SHB: variants seen among roughly 807,000 people sequenced by gnomAD.
The protein encoded by SHB is SH2 domain containing adaptor protein B, also known as SH2 domain-containing adapter protein B.
A neutral mutation model predicts 52.3 loss-of-function variants in SHB; 20 were observed. That is an observed-to-expected ratio of 0.38 (90% confidence interval 0.27 to 0.56). The LOEUF is 0.56. Among genes scored for constraint, SHB ranks in the 20% least tolerant of loss-of-function variants. The pLI is 0.71. For missense variants in SHB, 825 were observed against 723.3 expected (o/e 1.14, Z -1.61); for synonymous variants, 397 against 316.5 (o/e 1.25, Z -2.70).
At position 37,918,900 on chromosome 9, in the gene SHB, C is replaced by T. The variant is rs1832139003; in HGVS notation, c.*921G>A. ...TATGTCCACTGCTGAAGCCTGAACT[C>T]TGAGCTCTGGGTTGACTCCCAGAGT... On this transcript the variant is annotated 3_prime_UTR_variant, in exon 6 of 6. Transcript: ENST00000377707. Among the ~76,000 whole-genome samples, 1 of 152,178 alleles carries T rather than the reference C, an allele frequency of 6.6e-6. No individual in the cohort carries two copies. Among genetic ancestry groups the T allele is most frequent in the South Asian group, 2.1e-4 (1 of 4,830 alleles).
chr9:37,992,867 GCA>G (rs1278535986), intron 2 of SHB, among the ~76,000 whole-genome samples: 1 of 130,310 alleles, frequency 7.7e-6, no homozygotes, highest in African/African-American at 2.7e-5. Flanking sequence ...GTATATGCAT[GCA>G]CACACACACA....
At chr9:38,026,957 G>A (rs1375795092) in intron 1 of SHB, among the ~76,000 whole-genome samples, 2 of 152,202 alleles carry the variant, frequency 1.3e-5, no homozygotes, top group East Asian at 1.9e-4. Context: ...AGGTCCCCAG[G>A]GGAGATGGGC....
At chr9:37,958,229 C>T (rs1239771556) in intron 3 of SHB, among the ~76,000 whole-genome samples, 2 of 152,308 alleles carry the variant, frequency 1.3e-5, no homozygotes, top group East Asian at 3.9e-4. Flanking sequence ...GAGGCAGTGC[C>T]CGCCAGTGGT....
At chr9:38,056,715 A>G (rs967846438) in intron 1 of SHB, among the ~76,000 whole-genome samples, 4 of 152,262 alleles carry the variant, frequency 2.6e-5, no homozygotes, top group African/African-American at 9.6e-5. Context: ...GTAACCAACA[A>G]CAATTGCCAC....
chr9:37,965,511 T>C (rs1832739189), intron 3 of SHB, among the ~76,000 whole-genome samples: 2 of 151,882 alleles, frequency 1.3e-5, no homozygotes, highest in South Asian at 2.1e-4. Flanking sequence ...TGAGATTTAC[T>C]GGTATTCTAC....
intron 5 of SHB, among the ~76,000 whole-genome samples, chr9:37,946,040 C>A (rs1832487358): frequency 6.6e-6 from 1 of 152,164 alleles, no homozygotes; most frequent in Non-Finnish European, 1.5e-5. Context: ...GGGAATCACA[C>A]TAGATAACAC....
At chr9:38,050,945 A>T (rs1420863428) in intron 1 of SHB, among the ~76,000 whole-genome samples, 1 of 152,178 alleles carries the variant, frequency 6.6e-6, no homozygotes, top group Non-Finnish European at 1.5e-5. Flanking sequence ...CACTGACTAC[A>T]ATCTTTTACT....
intron 3 of SHB, among the ~76,000 whole-genome samples, chr9:37,963,568 G>A (rs139702150): frequency 1.3e-3 from 197 of 152,282 alleles, no homozygotes; most frequent in Non-Finnish European, 2.2e-3. Flanking sequence ...CACAGTCCCT[G>A]GCAGGGGTTC....
At chr9:37,980,576 G>C (rs2117983476) in intron 2 of SHB, among the ~76,000 whole-genome samples, 1 of 152,252 alleles carries the variant, frequency 6.6e-6, no homozygotes, top group East Asian at 1.9e-4. Flanking sequence ...CTGTTAATGT[G>C]GCTATTTTGA....
chr9:38,049,574 C>T (rs1327975936), intron 1 of SHB, among the ~76,000 whole-genome samples: 3 of 149,680 alleles, frequency 2.0e-5, no homozygotes, highest in Non-Finnish European at 4.4e-5. Flanking sequence ...CACCACTGCA[C>T]TCCAGCCTGG....
chr9:38,041,688 A>AC (rs141115571), intron 1 of SHB, among the ~76,000 whole-genome samples: 1,770 of 152,256 alleles, frequency 0.012, 32 homozygotes, highest in African/African-American at 0.04. Context: ...GTGGGAAGCC[A>AC]CTGGTGGTTC....
At chr9:37,955,853 T>C in intron 4 of SHB, 30 bp downstream of exon 4, 1 of 1,595,986 alleles carries the variant, frequency 6.3e-7, no homozygotes, top group Non-Finnish European at 8.6e-7. Flanking sequence ...AACTGGGAGG[T>C]GAGGTTGGGC....
At chr9:37,937,894 C>A (rs780685439) in intron 5 of SHB, among the ~76,000 whole-genome samples, 1 of 152,070 alleles carries the variant, frequency 6.6e-6, no homozygotes, top group Non-Finnish European at 1.5e-5. Flanking sequence ...CCTTCCTGTG[C>A]CTCAGTTGAC....
chr9:38,028,429 C>A (rs7019689), intron 1 of SHB, among the ~76,000 whole-genome samples: 68,916 of 152,082 alleles, frequency 0.45, 17,242 homozygotes, highest in Middle Eastern at 0.59. Context: ...CATTTCATCA[C>A]CCTGCAGCTG....
At chr9:37,982,800 A>C (rs753154023) in intron 2 of SHB, among the ~76,000 whole-genome samples, 4 of 152,190 alleles carry the variant, frequency 2.6e-5, no homozygotes, top group African/African-American at 9.7e-5. Context: ...ACTCTGTTTC[A>C]AAGAAAAAAA....
intron 1 of SHB, among the ~76,000 whole-genome samples, chr9:38,024,672 G>T (rs961662509): frequency 6.6e-6 from 1 of 152,192 alleles, no homozygotes; most frequent in Non-Finnish European, 1.5e-5. Context: ...AAGTGGTAGA[G>T]ACAGGCTTTT....
chr9:38,013,450 G>A (rs1036373599), intron 2 of SHB, among the ~76,000 whole-genome samples: 3 of 152,138 alleles, frequency 2.0e-5, no homozygotes, highest in African/African-American at 7.2e-5. Context: ...AAAACTACAA[G>A]AAAATTAGCC....
chr9:37,936,555 A>G (rs1035196517), intron 5 of SHB, among the ~76,000 whole-genome samples: 1 of 152,210 alleles, frequency 6.6e-6, no homozygotes, highest in African/African-American at 2.4e-5. Context: ...TGTTGAGACC[A>G]AAAGACACAT....
At chr9:38,002,101 G>A (rs1489881535) in intron 2 of SHB, among the ~76,000 whole-genome samples, 1 of 152,100 alleles carries the variant, frequency 6.6e-6, no homozygotes, top group South Asian at 2.1e-4. Context: ...GGGTCACTTC[G>A]ATTCTCTGGT....
Sources: gnomAD v4.1 joint callset for allele counts (sites outside exome capture counted in the v4.1 genomes callset) on GRCh38, gnomAD v4.1.1 for gene constraint, MANE v1.5 for transcripts, NCBI Gene and HGNC (gene_info 2026-07-23, HGNC 2026-07-21) for gene names.